UBE2E1: variants seen among roughly 807,000 people sequenced by gnomAD.
The protein encoded by UBE2E1 is ubiquitin conjugating enzyme E2 E1.
Under a neutral mutation model 21.4 loss-of-function variants are expected in UBE2E1, and 6 were observed. The ratio of observed to expected loss-of-function variants is 0.28; its 90% CI spans 0.15 to 0.55. UBE2E1 has a LOEUF of 0.55. Among genes scored for constraint, UBE2E1 ranks in the 20% least tolerant of loss-of-function variants. The pLI is 0.93. For synonymous variants in UBE2E1, 87 were observed against 82.7 expected, an observed-to-expected ratio of 1.05 and a Z score of -0.28; for missense variants, 142 against 236.5, an observed-to-expected ratio of 0.60 and a Z score of 2.62.
intron 3 of UBE2E1, among the ~76,000 whole-genome samples, chr3:23,831,513 G>A (rs1699865013): frequency 8.0e-6 from 1 of 124,308 alleles, no homozygotes; most frequent in Non-Finnish European, 1.7e-5. Context: ...TTAACAAAAT[G>A]AATACTTTTT....
intron 3 of UBE2E1, among the ~76,000 whole-genome samples, chr3:23,844,995 A>T (rs1190605157): frequency 6.6e-6 from 1 of 152,220 alleles, no homozygotes. Context: ...GGGATTGTTC[A>T]TAGATGGTAT....
intron 3 of UBE2E1, among the ~76,000 whole-genome samples, chr3:23,829,233 T>C (rs1410007127): frequency 6.7e-6 from 1 of 149,010 alleles, no homozygotes; most frequent in Non-Finnish European, 1.5e-5. Flanking sequence ...TGATCATAGC[T>C]CACTGCAGCC....
intron 3 of UBE2E1, among the ~76,000 whole-genome samples, chr3:23,847,696 C>T (rs1351747609): frequency 1.3e-5 from 2 of 151,768 alleles, no homozygotes; most frequent in African/African-American, 2.4e-5. Flanking sequence ...GGGGTTTCAC[C>T]GTGTTAGCCA....
At chr3:23,827,180 A>C (rs1319140403) in intron 3 of UBE2E1, among the ~76,000 whole-genome samples, 1 of 152,216 alleles carries the variant, frequency 6.6e-6, no homozygotes, top group East Asian at 1.9e-4. Context: ...AAATAATAAA[A>C]AAAATCAAAA....
chr3:23,807,546 A>T (rs1283128293), intron 2 of UBE2E1, 125 bp downstream of exon 2: 2 of 1,250,662 alleles, frequency 1.6e-6, no homozygotes, highest in Non-Finnish European at 2.1e-6. Context: ...TAAAAATGAA[A>T]GAAGGGCCTT....
At chr3:23,889,475 C>G in intron 5 of UBE2E1, 1 of 1,388,542 alleles carries the variant, frequency 7.2e-7, no homozygotes, top group Non-Finnish European at 9.3e-7. Flanking sequence ...GTATTTTAAA[C>G]TGAAGACTGA....
intron 5 of UBE2E1, chr3:23,889,843 G>A: frequency 2.6e-6 from 2 of 760,226 alleles, no homozygotes; most frequent in Non-Finnish European, 3.2e-6. Flanking sequence ...TGAGCCATGA[G>A]CATGTCACTG....
At chr3:23,857,384 G>C (rs965980356) in intron 3 of UBE2E1, among the ~76,000 whole-genome samples, 1 of 152,196 alleles carries the variant, frequency 6.6e-6, no homozygotes, top group Admixed American at 6.5e-5. Flanking sequence ...TGAAATGAAA[G>C]AAGAGAGGAG....
Position 23,842,215 on chromosome 3 carries a change from GT to G in UBE2E1, c.203+30706del, listed in dbSNP as rs1700102705. On this transcript the variant is annotated intron_variant, in intron 3 of 5. Transcript: ENST00000306627. The surrounding 1 kb of genome is among the most constrained non-coding windows in gnomAD (Gnocchi z 4.6). Reference sequence around the variant, plus strand: ...AGTGAAGGGGTGTGTGTGTGTGTGTGTGTGTGTGTGTGTGTGTGTGTGTGTG... The same window carrying G: ...AGTGAAGGGGTGTGTGTGTGTGTGTGGTGTGTGTGTGTGTGTGTGTGTGTG... Among the ~76,000 whole-genome samples the G allele has an allele frequency of 1.1e-5, 1 of 93,240 alleles. No homozygotes were observed. The highest frequency in any genetic ancestry group is 1.2e-4 in the Admixed American group (1 of 8,096). The allele number at this position is 93,240 out of a possible 152,430, so 61.2% of individuals were successfully genotyped here. A position where few individuals can be genotyped will look rare whatever the true frequency, so the allele number is the denominator to read the frequency against.
chr3:23,882,284 C>T (rs573870035), intron 3 of UBE2E1, among the ~76,000 whole-genome samples: 3 of 152,200 alleles, frequency 2.0e-5, no homozygotes, highest in African/African-American at 7.2e-5. Context: ...GGTGCGTTTA[C>T]AATCTCTGAG....
At chr3:23,831,486 C>T (rs949307509) in intron 3 of UBE2E1, among the ~76,000 whole-genome samples, 1 of 149,486 alleles carries the variant, frequency 6.7e-6, no homozygotes, top group Non-Finnish European at 1.5e-5. Context: ...ATATTGGGAG[C>T]TAGTTTGACA....
At chr3:23,844,597 T>C (rs990578644) in intron 3 of UBE2E1, among the ~76,000 whole-genome samples, 2 of 152,200 alleles carry the variant, frequency 1.3e-5, no homozygotes, top group Non-Finnish European at 2.9e-5. Flanking sequence ...TTAAATTTGA[T>C]TTGACTTAAG....
Position 23,810,692 on chromosome 3 carries a change from G to A in UBE2E1, c.153-768G>A, listed in dbSNP as rs564705516. The stretch of plus-strand genomic sequence containing the variant: ...CGCGCGGTCTCGGGCCAAGGTTCTG[G>A]GCGCCGGGAGAGGAGAGCTGGGGCG... On this transcript the variant is annotated intron_variant, in intron 2 of 5. Coordinates refer to ENST00000306627, the MANE Select transcript of UBE2E1 (RefSeq NM_003341.5). This position sits in a 1 kb window ranked among gnomAD's most constrained non-coding sequence, Gnocchi z 5.8. The A allele has an allele frequency of 1.6e-6, 1 of 610,212 alleles. No homozygotes were observed. Among genetic ancestry groups the A allele is most frequent in the African/African-American group, 2.0e-5 (1 of 50,086 alleles). The allele number at this position is 610,212 out of a possible 1,614,324, so 37.8% of individuals were successfully genotyped here.
chr3:23,872,714 G>GT (rs1700829803), intron 3 of UBE2E1, among the ~76,000 whole-genome samples: 1 of 152,186 alleles, frequency 6.6e-6, no homozygotes, highest in African/African-American at 2.4e-5. Flanking sequence ...AATGAAAACT[G>GT]TTTTTCAAAA....
chr3:23,885,212 C>T (rs990752478), intron 3 of UBE2E1, among the ~76,000 whole-genome samples: 2 of 152,292 alleles, frequency 1.3e-5, no homozygotes, highest in South Asian at 4.1e-4. Context: ...TCTTTAAGAA[C>T]ACTAATCCTT....
At chr3:23,820,085 C>A (rs571883355) in intron 3 of UBE2E1, among the ~76,000 whole-genome samples, 2 of 152,156 alleles carry the variant, frequency 1.3e-5, no homozygotes, top group Non-Finnish European at 2.9e-5. Flanking sequence ...TAAAGCTATT[C>A]CAGATAGTTG....
rs1429662472 is a variant in UBE2E1, at chr3:23,890,589, A to G, written c.565A>G (p.Lys189Glu). 1 of 1,613,718 alleles carries G rather than the reference A, an allele frequency of 6.2e-7. No individual in the cohort carries two copies. Residue 189 changes from lysine to glutamate, a missense_variant, in exon 6 of 6, where the codon AAG becomes GAG. Coordinates refer to ENST00000306627, the MANE Select transcript of UBE2E1 (RefSeq NM_003341.5). ...EHDRMARQWT[K>E]RYAT is the part of the protein sequence containing the mutation. Reference sequence around the variant, plus strand: ...TGACAGAATGGCCAGACAGTGGACCAAGAGATACGCTACATAAATTGGGGT... The same window carrying G: ...TGACAGAATGGCCAGACAGTGGACCGAGAGATACGCTACATAAATTGGGGT...
intron 3 of UBE2E1, among the ~76,000 whole-genome samples, chr3:23,874,059 C>A (rs79313896): frequency 0.02 from 3,078 of 152,288 alleles, 105 homozygotes; most frequent in African/African-American, 0.069. Flanking sequence ...CCATGCTTCC[C>A]ACTGACCTAG....
intron 3 of UBE2E1, among the ~76,000 whole-genome samples, chr3:23,886,019 A>T (rs903970081): frequency 6.6e-6 from 1 of 151,782 alleles, no homozygotes; most frequent in Non-Finnish European, 1.5e-5. Flanking sequence ...CAACATAGAG[A>T]GACCCCCATC....
Sources: gnomAD v4.1 joint callset for allele counts (sites outside exome capture counted in the v4.1 genomes callset) on GRCh38, gnomAD v4.1.1 for gene constraint, Gnocchi (gnomAD v3.1) non-coding constraint, MANE v1.5 for transcripts, NCBI Gene and HGNC (gene_info 2026-07-23, HGNC 2026-07-21) for gene names.